RNF19A: variants seen among roughly 807,000 people sequenced by gnomAD.
The protein encoded by RNF19A is ring finger protein 19A, RBR E3 ubiquitin protein ligase, also known as E3 ubiquitin-protein ligase RNF19A.
In RNF19A, 32 loss-of-function variants were observed where a neutral mutation model predicts 75.7. The ratio of observed to expected loss-of-function variants is 0.42; its 90% confidence interval spans 0.32 to 0.57. RNF19A has a LOEUF of 0.57. Among genes scored for constraint, RNF19A ranks in the 20% least tolerant of loss-of-function variants. RNF19A has a pLI of 0.10. For missense variants in RNF19A, 782 were observed against 1,036.3 expected (o/e 0.75, Z 3.37); for synonymous variants, 335 against 345.2 (o/e 0.97, Z 0.33).
rs559739220 is a variant in RNF19A at position 100,287,716 on chromosome 8, T to C, written c.459A>G (p.Arg153=). 2 of 1,614,066 alleles carry C rather than the reference T, an allele frequency of 1.2e-6. No individual in the cohort carries two copies. Among genetic ancestry groups the C allele is most frequent in the East Asian group, 2.2e-5 (1 of 44,878 alleles). The change falls in exon 2 of 10, where the codon AGA becomes AGG. Residue 153 remains arginine (R), a synonymous_variant. Transcript: ENST00000341084. This position sits in a 1 kb window ranked among gnomAD's most constrained non-coding sequence, Gnocchi z 4.1. ...RFPDIMTCHH[R]SCVDCLRQYL... ...ATTGTCGTAAGCAATCCACACAAGA[T>C]CTGTGATGACAAGTCATTATATCAG...
chr8:100,320,406 G>T lies in RNF19A; in HGVS notation c.-242-7034C>A, dbSNP rs542784849. ...CACATTTTCATACATGTATCTTCTTGCTCATGCAGGAGAGTTTCTCTAGGT... is the reference window on the plus strand; with the variant it reads ...CACATTTTCATACATGTATCTTCTTTCTCATGCAGGAGAGTTTCTCTAGGT... On this transcript the variant is annotated intron_variant, in intron 1 of 3. Transcript: ENST00000519527. Among the ~76,000 whole-genome samples, 3 of 152,188 alleles carry T rather than the reference G, an allele frequency of 2.0e-5. No homozygotes were observed. In the South Asian group the frequency reaches 6.2e-4, roughly 32 times the overall value.
intron 1 of RNF19A, among the ~76,000 whole-genome samples, chr8:100,321,965 C>G (rs73282777): frequency 2.0e-5 from 3 of 150,176 alleles, no homozygotes; most frequent in African/African-American, 7.4e-5. Flanking sequence ...TTCTAGAGCA[C>G]GTGTAAAGGA....
intron 1 of RNF19A, among the ~76,000 whole-genome samples, chr8:100,297,268 T>G (rs140802062): frequency 2.6e-5 from 4 of 152,236 alleles, no homozygotes; most frequent in Non-Finnish European, 5.9e-5. Context: ...ATTACTTCAA[T>G]GTGTCCTTAG....
rs1308812851 is a variant in RNF19A, at chr8:100,258,964, C to T, written c.2109G>A (p.Thr703=). Residue 703 remains threonine, a synonymous_variant, in exon 10 of 10, where the codon ACG becomes ACA. Transcript: ENST00000341084. This position sits in a 1 kb window ranked among gnomAD's most constrained non-coding sequence, Gnocchi z 4.3. ...MDAQLLEQQS[T]NSSEFEAPSL... is the part of the protein sequence containing the mutation. ...ATGGAGCCTCAAATTCACTTGAGTT[C>T]GTGCTTTGTTGTTCTAACAACTGTG... The T allele has an allele frequency of 1.2e-5, 19 of 1,614,076 alleles. No individual in the cohort carries two copies. The highest frequency in any genetic ancestry group is 2.2e-5 in the South Asian group (2 of 91,072).
intron 2 of RNF19A, among the ~76,000 whole-genome samples, chr8:100,280,837 G>T (rs930225011): frequency 1.3e-5 from 2 of 152,164 alleles, no homozygotes; most frequent in Non-Finnish European, 2.9e-5. Flanking sequence ...TGAAGATGAC[G>T]TTCCTTTTGT....
Position 100,332,001 on chromosome 8 carries a change from T to C in RNF19A, c.-243+4107A>G, listed in dbSNP as rs371271506. Among the ~76,000 whole-genome samples the C allele has an allele frequency of 1.1e-4, 17 of 152,210 alleles. No homozygotes were observed. The highest frequency in any genetic ancestry group is 4.1e-4 in the African/African-American group (17 of 41,450). On this transcript the variant is annotated intron_variant, in intron 1 of 3. Coordinates refer to the RNF19A transcript ENST00000519527. This position sits in a 1 kb window ranked among gnomAD's most constrained non-coding sequence, Gnocchi z 4.8. ...ACAGATACACCATATATTAACTAAA[T>C]AATTTCCTATTGGTATACCTTATGT...
At chr8:100,268,105 T>C (rs543821211) in intron 5 of RNF19A, among the ~76,000 whole-genome samples, 2 of 133,410 alleles carry the variant, frequency 1.5e-5, no homozygotes, top group South Asian at 4.3e-4. Flanking sequence ...AGAAAATTTC[T>C]TTTTTTTTTC....
At chr8:100,309,977 C>T (rs1283702366), upstream of RNF19A, 24 of 985,578 alleles carry the variant, frequency 2.4e-5, no homozygotes, top group Non-Finnish European at 2.9e-5. Context: ...TCCGATGCGC[C>T]GAGGCGCCTC....
rs1339484107 is a variant in RNF19A at position 100,296,315 on chromosome 8, G to C, written c.-93-8048C>G. Reference sequence around the variant, plus strand: ...AGACGGGGTTTCACCATGTTGGCCAGGCTGGTCTTGAACTCCTGGCCTCAA... The same window carrying C: ...AGACGGGGTTTCACCATGTTGGCCACGCTGGTCTTGAACTCCTGGCCTCAA... On this transcript the variant is annotated intron_variant, in intron 1 of 9. Transcript: ENST00000341084. 3.3e-5 allele frequency among the ~76,000 whole-genome samples: 5 copies of C among 152,068 alleles called. No homozygotes were observed. In the East Asian group the frequency reaches 9.6e-4, roughly 29 times the overall value.
Position 100,278,183 on chromosome 8 carries a change from T to TTTGGCC in RNF19A, c.675-3028_675-3023dup, listed in dbSNP as rs564746162. ...GTATTCAGCCAAAATAATCTTTGGC[T>TTTGGCC]TTGGCCTTGGCCTTTAGAATGCCAA... On this transcript the variant is annotated intron_variant, in intron 2 of 9. Coordinates refer to ENST00000341084, the MANE Select transcript of RNF19A (RefSeq NM_183419.4). 2.1e-3 allele frequency among the ~76,000 whole-genome samples: 327 copies of TTTGGCC among 152,372 alleles called. 2 individuals are homozygous for TTTGGCC. Among genetic ancestry groups the TTTGGCC allele is most frequent in the South Asian group, 5.2e-3 (25 of 4,834 alleles).
chr8:100,311,116 A>C (rs1252851315), upstream of RNF19A, among the ~76,000 whole-genome samples: 3 of 152,250 alleles, frequency 2.0e-5, no homozygotes. Flanking sequence ...TGTGTAATTT[A>C]AATTAGAAAC....
chr8:100,292,273 C>T (rs1186154578), intron 1 of RNF19A, among the ~76,000 whole-genome samples: 1 of 152,166 alleles, frequency 6.6e-6, no homozygotes, highest in Non-Finnish European at 1.5e-5. Flanking sequence ...CCACGAGGAA[C>T]ATTTGCTTTG....
chr8:100,267,006 G>C (rs931929493), intron 5 of RNF19A, among the ~76,000 whole-genome samples: 3 of 152,060 alleles, frequency 2.0e-5, no homozygotes, highest in African/African-American at 2.4e-5. Flanking sequence ...ATTCCCAGTC[G>C]GGTCCCAGAA....
At position 100,259,717 on chromosome 8, in the gene RNF19A, T is replaced by C. The variant is rs1819624288; in HGVS notation, c.1826+137A>G. 2 of 748,742 alleles carry C rather than the reference T, an allele frequency of 2.7e-6. No homozygotes were observed. Among genetic ancestry groups the C allele is most frequent in the Admixed American group, 5.6e-5 (2 of 35,770 alleles). The allele number at this position is 748,742 out of a possible 1,614,324, so 46.4% of individuals were successfully genotyped here. A position where few individuals can be genotyped will look rare whatever the true frequency, so the allele number is the denominator to read the frequency against. On this transcript the variant is annotated intron_variant, in intron 9 of 9. Coordinates refer to ENST00000341084, the MANE Select transcript of RNF19A (RefSeq NM_183419.4). This position sits in a 1 kb window ranked among gnomAD's most constrained non-coding sequence, Gnocchi z 4.5. ...TTATGATCTATACAGATTTGCCTAC[T>C]CTGGACAGCTCACTGTTTCCTTTTC... is the stretch of plus-strand genomic sequence containing the variant.
chr8:100,290,687 G>T (rs1821252367), intron 1 of RNF19A, among the ~76,000 whole-genome samples: 1 of 152,132 alleles, frequency 6.6e-6, no homozygotes, highest in African/African-American at 2.4e-5. Flanking sequence ...TTAATGATCA[G>T]GATACATTCT....
intron 1 of RNF19A, among the ~76,000 whole-genome samples, chr8:100,297,573 T>C (rs577649120): frequency 5.9e-5 from 9 of 152,250 alleles, no homozygotes; most frequent in Non-Finnish European, 1.0e-4. Context: ...CTCTAAATCA[T>C]CCCTGAAAAA....
upstream of RNF19A, chr8:100,310,239 C>G (rs931603138): frequency 9.1e-6 from 9 of 985,064 alleles, no homozygotes; most frequent in Non-Finnish European, 6.0e-6. Flanking sequence ...GCGGGCGGCT[C>G]TGGACGCGGC....
intron 1 of RNF19A, among the ~76,000 whole-genome samples, chr8:100,296,783 T>C (rs973896680): frequency 6.6e-6 from 1 of 150,820 alleles, no homozygotes; most frequent in Admixed American, 6.5e-5. Flanking sequence ...GCTGTACCAA[T>C]TATAACCTCA....
chr8:100,313,374 T>C (rs892632822), upstream of RNF19A: 10 of 963,424 alleles, frequency 1.0e-5, no homozygotes, highest in African/African-American at 1.8e-5. Context: ...AGCTGGATTC[T>C]ATAAGACAAG....
Sources: allele counts gnomAD v4.1 joint callset (sites outside exome capture counted in the v4.1 genomes callset), GRCh38; gene constraint gnomAD v4.1.1; non-coding constraint Gnocchi (gnomAD v3.1); transcripts MANE v1.5; gene names NCBI Gene and HGNC (gene_info 2026-07-23, HGNC 2026-07-21).